FOXP2: variants seen among roughly 807,000 people sequenced by gnomAD.
FOXP2 encodes forkhead box P2.
In FOXP2, 12 loss-of-function variants were observed where a neutral mutation model predicts 115.8. That is an observed-to-expected ratio of 0.10 (90% confidence interval 0.07 to 0.17). The LOEUF is 0.17. Among genes scored for constraint, FOXP2 ranks in the 10% least tolerant of loss-of-function variants. The pLI is 1.00. For missense variants in FOXP2, 629 were observed against 843.5 expected (o/e 0.75, Z 3.15); for synonymous variants, 328 against 297.7 (o/e 1.10, Z -1.05).
chr7:114,518,364 T>C (rs1303023463), intron 2 of FOXP2, among the ~76,000 whole-genome samples: 2 of 152,128 alleles, frequency 1.3e-5, no homozygotes, highest in Non-Finnish European at 2.9e-5. Context: ...ACTTTTATGT[T>C]TTTTCCCCAA....
At chr7:114,318,683 A>G (rs1275665823) in intron 2 of FOXP2, among the ~76,000 whole-genome samples, 3 of 150,636 alleles carry the variant, frequency 2.0e-5, no homozygotes, top group Admixed American at 1.3e-4. Context: ...CCAATATCAG[A>G]CAACTATTTT....
chr7:114,642,801 TATA>T (rs1341370296), intron 7 of FOXP2, among the ~76,000 whole-genome samples, 178 bp downstream of exon 7: 4,812 of 67,914 alleles, frequency 0.071, 509 homozygotes, highest in East Asian at 0.43. Context: ...TATATATATA[TATA>T]TATATATATT....
At chr7:114,494,979 T>C (rs2129247261) in intron 2 of FOXP2, among the ~76,000 whole-genome samples, 1 of 152,336 alleles carries the variant, frequency 6.6e-6, no homozygotes, top group East Asian at 1.9e-4. Flanking sequence ...GGCATGGTTT[T>C]ATCAACACAG....
At chr7:114,516,976 G>A (rs1465352269) in intron 2 of FOXP2, among the ~76,000 whole-genome samples, 1 of 151,948 alleles carries the variant, frequency 6.6e-6, no homozygotes, top group Non-Finnish European at 1.5e-5. Flanking sequence ...TTACAGGTGT[G>A]AGCCACTGTG....
rs188323287 is a variant in FOXP2, at chr7:114,557,497, T to C, written c.258+22791T>C. On this transcript the variant is annotated intron_variant, in intron 3 of 16. Coordinates refer to ENST00000350908, the MANE Select transcript of FOXP2 (RefSeq NM_014491.4). ...TATTCATGTTAAATATAATAAGAAG[T>C]ATTTTTTTCTGACTCCCAAATTTTA... Among the ~76,000 whole-genome samples, 131 of 144,860 alleles carry C rather than the reference T, an allele frequency of 9.0e-4. 1 individual carries two copies. In the Middle Eastern group the frequency reaches 0.011, roughly 12 times the overall value.
At chr7:114,328,525 C>T (rs1000963727) in intron 2 of FOXP2, among the ~76,000 whole-genome samples, 2 of 151,748 alleles carry the variant, frequency 1.3e-5, no homozygotes, top group East Asian at 1.9e-4. Context: ...CGTGAGCCAC[C>T]GCGCCCAGCC....
Position 114,445,364 on chromosome 7 carries a change from G to A in FOXP2, c.168+18685G>A, listed in dbSNP as rs138411074. On this transcript the variant is annotated intron_variant, in intron 2 of 16. Transcript: ENST00000350908. Reference sequence around the variant, plus strand: ...GGTGTCAAGCCTTAAAAGTGTTATGGTGACCCTTTGCTAAACAAGACATAA... The same window carrying A: ...GGTGTCAAGCCTTAAAAGTGTTATGATGACCCTTTGCTAAACAAGACATAA... 5.4e-3 allele frequency among the ~76,000 whole-genome samples: 827 copies of A among 152,256 alleles called. 2 individuals are homozygous for A. The highest frequency in any genetic ancestry group is 9.0e-3 in the Non-Finnish European group (614 of 67,994).
intron 16 of FOXP2, among the ~76,000 whole-genome samples, chr7:114,675,166 A>AC (rs1431259461): frequency 6.6e-6 from 1 of 152,132 alleles, no homozygotes; most frequent in East Asian, 1.9e-4. Flanking sequence ...TCATGAATCT[A>AC]CCATCAAATT....
At chr7:114,433,274 T>C (rs1746494939) in intron 2 of FOXP2, among the ~76,000 whole-genome samples, 2 of 152,010 alleles carry the variant, frequency 1.3e-5, no homozygotes, top group African/African-American at 4.8e-5. Context: ...ATGTTTACAT[T>C]GTTCTGGTGT....
chr7:114,379,085 T>C (rs1792215569), intron 2 of FOXP2, among the ~76,000 whole-genome samples: 1 of 152,102 alleles, frequency 6.6e-6, no homozygotes, highest in African/African-American at 2.4e-5. Context: ...TATTTTTATT[T>C]TTTGCAGTTG....
intron 3 of FOXP2, among the ~76,000 whole-genome samples, chr7:114,615,925 TC>T (rs1563036139): frequency 3.9e-5 from 6 of 152,236 alleles, no homozygotes. Context: ...GAGGAGAACT[TC>T]CCTGACTTTA....
At chr7:114,178,772 A>G (rs1793381916) in intron 1 of FOXP2, among the ~76,000 whole-genome samples, 1 of 151,750 alleles carries the variant, frequency 6.6e-6, no homozygotes, top group Non-Finnish European at 1.5e-5. Flanking sequence ...ATTTTCTCTC[A>G]ATGCCATTTT....
rs73429319 is a variant in FOXP2, at chr7:114,517,538, C to A, written c.169-17079C>A. Among the ~76,000 whole-genome samples, 1,303 of 152,224 alleles carry A rather than the reference C, an allele frequency of 8.6e-3. 13 individuals carry two copies. Among genetic ancestry groups the A allele is most frequent in the African/African-American group, 0.03 (1,243 of 41,534 alleles). The stretch of plus-strand genomic sequence containing the variant: ...TTCGTTCTGCATATCCAGAAGATAT[C>A]TAGTGGATATATGCAGTTTCCCTGT... On this transcript the variant is annotated intron_variant, in intron 2 of 16. Transcript: ENST00000350908.
intron 1 of FOXP2, among the ~76,000 whole-genome samples, chr7:114,126,047 T>C (rs984517847): frequency 6.6e-5 from 10 of 152,130 alleles, no homozygotes; most frequent in African/African-American, 2.2e-4. Flanking sequence ...AACTTGAAGA[T>C]GAGGACATAG....
chr7:114,331,359 A>T (rs1286095198), intron 2 of FOXP2, among the ~76,000 whole-genome samples: 1 of 152,224 alleles, frequency 6.6e-6, no homozygotes, highest in Non-Finnish European at 1.5e-5. Flanking sequence ...ATAGGAAAAG[A>T]TATCATAGTG....
intron 3 of FOXP2, among the ~76,000 whole-genome samples, chr7:114,615,328 G>T (rs772876133): frequency 2.0e-5 from 3 of 152,062 alleles, no homozygotes; most frequent in African/African-American, 2.4e-5. Context: ...AGGATGATCT[G>T]CTCTCTACTA....
intron 1 of FOXP2, among the ~76,000 whole-genome samples, chr7:114,233,764 A>G (rs1794944022): frequency 6.6e-6 from 1 of 152,172 alleles, no homozygotes; most frequent in African/African-American, 2.4e-5. Context: ...TGTAATCCCA[A>G]CACTTTGGGT....
chr7:114,116,527 T>C (rs1179877851), intron 1 of FOXP2, among the ~76,000 whole-genome samples: 2 of 152,012 alleles, frequency 1.3e-5, no homozygotes, highest in Non-Finnish European at 1.5e-5. Context: ...TTTGAAGTGA[T>C]AGGTATAAAG....
chr7:114,435,932 C>A (rs375553541), intron 2 of FOXP2, among the ~76,000 whole-genome samples: 4 of 151,982 alleles, frequency 2.6e-5, no homozygotes, highest in Non-Finnish European at 4.4e-5. Flanking sequence ...TTTTGAAATA[C>A]AAATTTACCA....
Sources: gnomAD v4.1 joint callset for allele counts (sites outside exome capture counted in the v4.1 genomes callset) on GRCh38, gnomAD v4.1.1 for gene constraint, MANE v1.5 for transcripts, NCBI Gene and HGNC (gene_info 2026-07-23, HGNC 2026-07-21) for gene names.